The following C11orf52 variants were observed in gnomAD, a reference collection of about 807,000 sequenced individuals.
C11orf52 encodes uncharacterized protein C11orf52.
A neutral mutation model predicts 11.7 loss-of-function variants in C11orf52; 9 were observed. That is an observed-to-expected ratio of 0.77 (90% confidence interval 0.46 to 1.34). The LOEUF (loss-of-function observed/expected upper bound fraction) is 1.34, where lower values mean the gene tolerates loss of function less well. Ranked by LOEUF, C11orf52 falls within the 40% of genes most tolerant of loss-of-function variation. The probability of loss-of-function intolerance (pLI) is 0.00; values close to 1 mark genes in which losing one functional copy is unlikely to be tolerated. For missense variants in C11orf52, 139 were observed against 154.8 expected (o/e 0.90, Z 0.54); for synonymous variants, 49 against 57.4 (o/e 0.85, Z 0.66).
chr11:111,924,020 T>TA (rs1296205497), intron 1 of C11orf52, among the ~76,000 whole-genome samples: 3 of 152,218 alleles, frequency 2.0e-5, no homozygotes, highest in Admixed American at 1.3e-4. Context: ...ATTAGCCTGT[T>TA]AGACAATCCC....
intron 1 of C11orf52, among the ~76,000 whole-genome samples, chr11:111,924,001 T>A (rs1008087752): frequency 6.6e-6 from 1 of 152,162 alleles, no homozygotes; most frequent in Non-Finnish European, 1.5e-5. Flanking sequence ...TCCCTCACCC[T>A]CTGCTGGGAT....
intron 1 of C11orf52, among the ~76,000 whole-genome samples, chr11:111,921,652 C>A (rs1442988972): frequency 6.6e-6 from 1 of 152,146 alleles, no homozygotes; most frequent in African/African-American, 2.4e-5. Context: ...TTCTTTTATT[C>A]TCTTTCTTCC....
chr11:111,924,297 A>G, intron 1 of C11orf52, 29 bp from the exon 2 acceptor site: 1 of 1,611,364 alleles, frequency 6.2e-7, no homozygotes, highest in Non-Finnish European at 8.5e-7. Flanking sequence ...GGGCTCTTGC[A>G]CATGGGTGAT....
At position 111,926,414 on chromosome 11, in the gene C11orf52, G is replaced by A; in HGVS notation, c.*215G>A. 1.5e-6 allele frequency: 1 copy of A among 680,374 alleles called. No homozygotes were observed. Among genetic ancestry groups the A allele is most frequent in the South Asian group, 2.0e-5 (1 of 51,252 alleles). 42.1% of individuals were successfully genotyped at this position (680,374 alleles called of 1,614,324 possible). On this transcript the variant is annotated 3_prime_UTR_variant, in exon 4 of 4. Transcript: ENST00000278601. ...TTAATAGTTGGTTTAGCTATGGGTG[G>A]ATAGCTAAACTTAGCTATCCACATG...
At chr11:111,921,335 T>A (rs1555166550) in intron 1 of C11orf52, among the ~76,000 whole-genome samples, 1 of 152,174 alleles carries the variant, frequency 6.6e-6, no homozygotes, top group Non-Finnish European at 1.5e-5. Context: ...CCTTGTTGAG[T>A]AAGAAATACC....
rs1322293187 is a variant in C11orf52, at chr11:111,926,523, A to T, written c.*324A>T. On this transcript the variant is annotated 3_prime_UTR_variant, in exon 4 of 4. Transcript: ENST00000278601. ...CTTGCAAAGTGCAGAAAGAGCAGGT[A>T]AAAAGTTAGCCCATAAGCACGTGGG... is the stretch of plus-strand genomic sequence containing the variant. 5.3e-6 allele frequency: 2 copies of T among 377,952 alleles called. No individual in the cohort carries two copies. Among genetic ancestry groups the T allele is most frequent in the African/African-American group, 4.0e-5 (2 of 49,502 alleles). The allele number at this position is 377,952 out of a possible 1,614,324, so 23.4% of individuals were successfully genotyped here. A position where few individuals can be genotyped will look rare whatever the true frequency, so the allele number is the denominator to read the frequency against.
intron 2 of C11orf52, among the ~76,000 whole-genome samples, chr11:111,924,948 A>AC (rs782170716): frequency 6.6e-5 from 10 of 152,084 alleles, no homozygotes; most frequent in Non-Finnish European, 1.3e-4. Context: ...ACATGGTGAA[A>AC]CCCCATCTCT....
At chr11:111,924,199 G>C in intron 1 of C11orf52, 127 bp from the exon 2 acceptor site, 1 of 869,084 alleles carries the variant, frequency 1.2e-6, no homozygotes, top group Non-Finnish European at 1.8e-6. Flanking sequence ...GGCTCAGGGT[G>C]AATCTTTGTT....
At chr11:111,924,442 A>G in intron 2 of C11orf52, 79 bp downstream of exon 2, 7 of 1,262,616 alleles carry the variant, frequency 5.5e-6, no homozygotes, top group Non-Finnish European at 8.0e-6. Flanking sequence ...TGGAAAGGGC[A>G]GAAGGGTAGA....
In C11orf52 at chr11:111,926,035, A is replaced by T; in HGVS notation, c.208A>T (p.Met70Leu). 2.5e-6 allele frequency: 4 copies of T among 1,614,242 alleles called. No individual in the cohort carries two copies. In the South Asian group the frequency reaches 4.4e-5, roughly 18 times the overall value. The part of the protein sequence containing the change: ...QGSQERSPGL[M>L]SEDSNLHYAD... ...GTCTCAAGAGAGGAGTCCAGGCCTC[A>T]TGTCGGAAGACAGCAACTTACATTA... The change falls in exon 4 of 4, where the codon ATG becomes TTG. Residue 70 changes from methionine to leucine, a missense_variant. Met to Leu is a conservative substitution (Grantham distance 15). Transcript: ENST00000278601.
intron 2 of C11orf52, 117 bp downstream of exon 2, chr11:111,924,480 G>A: frequency 1.2e-6 from 1 of 849,022 alleles, no homozygotes; most frequent in Non-Finnish European, 1.9e-6. Flanking sequence ...AAGGGAGACA[G>A]CACACCAAAG....
Position 111,924,330 on chromosome 11 carries a change from T to C in C11orf52, c.37T>C (p.Cys13Arg). The C allele has an allele frequency of 6.2e-7, 1 of 1,613,324 alleles. No individual in the cohort carries two copies. Among genetic ancestry groups the C allele is most frequent in the Middle Eastern group, 1.7e-4 (1 of 5,900 alleles). ...NRVCCGGSWS[C>R]PSTFQKKKKT... ...GATCTGTTTTTCCTATTACAGGAGC[T>C]GCCCATCAACTTTCCAGAAGAAAAA... Residue 13 changes from cysteine to arginine, a missense_variant, in exon 2 of 4, where the codon TGC becomes CGC. Physicochemically the swap from Cys to Arg is radical, Grantham distance 180. Coordinates refer to ENST00000278601, the MANE Select transcript of C11orf52 (RefSeq NM_080659.3).
At chr11:111,920,754 A>T (rs1555166486) in intron 1 of C11orf52, among the ~76,000 whole-genome samples, 1 of 152,120 alleles carries the variant, frequency 6.6e-6, no homozygotes, top group East Asian at 1.9e-4. Flanking sequence ...ACAGAATGAG[A>T]CCCTGTCTCA....
intron 1 of C11orf52, 125 bp from the exon 2 acceptor site, chr11:111,924,201 A>C (rs782561660): frequency 1.0e-5 from 9 of 886,240 alleles, no homozygotes; most frequent in Non-Finnish European, 1.6e-5. Flanking sequence ...CTCAGGGTGA[A>C]TCTTTGTTAG....
At chr11:111,920,307 AG>A (rs1219932910) in intron 1 of C11orf52, among the ~76,000 whole-genome samples, 1 of 152,182 alleles carries the variant, frequency 6.6e-6, no homozygotes, top group Non-Finnish European at 1.5e-5. Context: ...AGGCTGAGGC[AG>A]GCAGATGACT....
chr11:111,926,172 T>C lies in C11orf52; in HGVS notation c.345T>C (p.Tyr115=), dbSNP rs1357289386. ...TLRFPQATPR[Y]DSKNGTLV ...GCTTCCCCCAGGCCACACCTCGCTA[T>C]GACAGCAAGAACGGGACCCTGGTGT... The change falls in exon 4 of 4, where the codon TAT becomes TAC. Residue 115 remains tyrosine (Y), a synonymous_variant. Transcript: ENST00000278601. 9.3e-6 allele frequency: 15 copies of C among 1,614,130 alleles called. No homozygotes were observed. Among genetic ancestry groups the C allele is most frequent in the Non-Finnish European group, 1.2e-5 (14 of 1,180,046 alleles).
At chr11:111,925,540 C>G (rs1965780746) in intron 2 of C11orf52, 113 bp from the exon 3 acceptor site, 1 of 1,030,326 alleles carries the variant, frequency 9.7e-7, no homozygotes, top group African/African-American at 1.6e-5. Flanking sequence ...AGAATGGAGG[C>G]AGGGGGATTA....
In C11orf52 at chr11:111,925,972, A is replaced by G; in HGVS notation, c.145A>G (p.Thr49Ala). ...CCATTCCTCGCAGGGCCATGAAACAACAGGACATACGTATGAACGGGTGTT... is the reference window on the plus strand; with the variant it reads ...CCATTCCTCGCAGGGCCATGAAACAGCAGGACATACGTATGAACGGGTGTT... ...QQNLPKGHETTGHTYERVLQQ... is the reference protein window; with the variant it reads ...QQNLPKGHETAGHTYERVLQQ... Residue 49 changes from threonine to alanine, a missense_variant, in exon 4 of 4, where the codon ACA becomes GCA. Coordinates refer to ENST00000278601, the MANE Select transcript of C11orf52 (RefSeq NM_080659.3). The G allele has an allele frequency of 6.2e-7, 1 of 1,614,264 alleles. No individual in the cohort carries two copies. The highest frequency in any genetic ancestry group is 8.5e-7 in the Non-Finnish European group (1 of 1,180,042).
At chr11:111,921,047 C>T (rs781960560) in intron 1 of C11orf52, among the ~76,000 whole-genome samples, 12 of 152,080 alleles carry the variant, frequency 7.9e-5, no homozygotes, top group Admixed American at 3.3e-4. Context: ...ACTGCCATGC[C>T]GTAAATTCCT....
Sources: allele counts gnomAD v4.1 joint callset (sites outside exome capture counted in the v4.1 genomes callset), GRCh38; gene constraint gnomAD v4.1.1; transcripts MANE v1.5; gene names NCBI Gene and HGNC (gene_info 2026-07-23, HGNC 2026-07-21).